TYW1: variants seen among roughly 807,000 people sequenced by gnomAD.
The protein encoded by TYW1 is S-adenosyl-L-methionine-dependent tRNA 4-demethylwyosine synthase TYW1.
In TYW1, 46 loss-of-function variants were observed where a neutral mutation model predicts 96.2. The ratio of observed to expected loss-of-function variants is 0.48; its 90% CI spans 0.38 to 0.61. TYW1 has a LOEUF of 0.61. Ranked by LOEUF, TYW1 falls within the 20% of genes least tolerant of loss-of-function variation. TYW1 has a pLI of 0.00. For synonymous variants in TYW1, 274 were observed against 323.0 expected (o/e 0.85, Z 1.63); for missense variants, 684 against 909.6 (o/e 0.75, Z 3.19).
At chr7:67,196,612 C>T (rs1173670082) in intron 15 of TYW1, among the ~76,000 whole-genome samples, 1 of 151,786 alleles carries the variant, frequency 6.6e-6, no homozygotes. Flanking sequence ...GGTGAAGAAA[C>T]TGGCTTAAAT....
intron 10 of TYW1, among the ~76,000 whole-genome samples, chr7:67,076,073 G>C (rs1034257424): frequency 6.6e-6 from 1 of 152,180 alleles, no homozygotes; most frequent in Non-Finnish European, 1.5e-5. Flanking sequence ...TTATTCGGAG[G>C]TGTTTTTACC....
chr7:67,018,207 C>T, intron 6 of TYW1, 64 bp downstream of exon 6: 1 of 1,559,652 alleles, frequency 6.4e-7, no homozygotes, highest in Non-Finnish European at 8.7e-7. Context: ...TCGAGCTTGA[C>T]CTCTTTCTCA....
intron 13 of TYW1, among the ~76,000 whole-genome samples, chr7:67,170,318 A>G (rs1799477864): frequency 6.6e-6 from 1 of 152,210 alleles, no homozygotes; most frequent in South Asian, 2.1e-4. Context: ...GGTACCACAT[A>G]ATCTTGATTA....
chr7:67,154,836 T>G (rs1798915703), intron 13 of TYW1, among the ~76,000 whole-genome samples: 2 of 152,158 alleles, frequency 1.3e-5, no homozygotes. Flanking sequence ...GTTTGCTTTA[T>G]GGTGTCCTGC....
intron 13 of TYW1, among the ~76,000 whole-genome samples, chr7:67,140,056 T>G (rs970390204): frequency 2.1e-5 from 3 of 146,234 alleles, no homozygotes; most frequent in African/African-American, 7.9e-5. Flanking sequence ...AAGTCACATC[T>G]TACATGGATG....
intron 13 of TYW1, among the ~76,000 whole-genome samples, chr7:67,141,047 A>G (rs1798432656): frequency 6.6e-6 from 1 of 152,196 alleles, no homozygotes; most frequent in Non-Finnish European, 1.5e-5. Context: ...AATAACCTAG[A>G]AAGCTAGTAT....
chr7:67,004,706 C>T (rs1208691663), intron 3 of TYW1, among the ~76,000 whole-genome samples: 1 of 152,094 alleles, frequency 6.6e-6, no homozygotes, highest in African/African-American at 2.4e-5. Context: ...TCTTGTTTCT[C>T]CTTCGCTTAT....
At chr7:67,194,628 A>G (rs1319029733) in intron 14 of TYW1, among the ~76,000 whole-genome samples, 1 of 136,662 alleles carries the variant, frequency 7.3e-6, no homozygotes, top group Admixed American at 7.2e-5. Context: ...TGACTCAAAA[A>G]TGATAATAAT....
intron 12 of TYW1, among the ~76,000 whole-genome samples, chr7:67,111,462 A>G (rs1175924974): frequency 2.0e-5 from 3 of 152,240 alleles, no homozygotes; most frequent in Non-Finnish European, 4.4e-5. Context: ...CGCCCTCCCA[A>G]AGTGGTGGGA....
chr7:67,151,910 G>A (rs929459546), intron 13 of TYW1, among the ~76,000 whole-genome samples: 1 of 152,068 alleles, frequency 6.6e-6, no homozygotes, highest in Admixed American at 6.6e-5. Flanking sequence ...GGGCTCAAGC[G>A]ATCCTCCCAC....
intron 7 of TYW1, among the ~76,000 whole-genome samples, chr7:67,048,088 A>ATGTGTTAAAATTTTTAAT (rs1340769125): frequency 6.9e-5 from 1 of 14,542 alleles, no homozygotes; most frequent in African/African-American, 2.7e-4. Context: ...GTGCCCAGCC[A>ATGTGTTAAAATTTTTAAT]CATATGGGGG....
intron 11 of TYW1, among the ~76,000 whole-genome samples, chr7:67,097,776 T>G (rs551081481): frequency 1.3e-5 from 2 of 151,960 alleles, no homozygotes; most frequent in East Asian, 3.9e-4. Context: ...CACTGCAGCC[T>G]CAATCTCCCA....
intron 13 of TYW1, among the ~76,000 whole-genome samples, chr7:67,158,082 ATTTTTT>A (rs560215948): frequency 0.24 from 24,623 of 102,330 alleles, 1,873 homozygotes; most frequent in South Asian, 0.31. Flanking sequence ...TTTGCTGAGG[ATTTTTT>A]TTTTTTTTTT....
intron 13 of TYW1, among the ~76,000 whole-genome samples, chr7:67,134,680 G>A (rs1404870091): frequency 3.3e-5 from 5 of 151,818 alleles, no homozygotes; most frequent in Middle Eastern, 3.4e-3. Flanking sequence ...CAAAGATACA[G>A]GTAGCCATTC....
intron 10 of TYW1, among the ~76,000 whole-genome samples, chr7:67,076,724 C>T (rs1307938336): frequency 2.0e-5 from 3 of 151,738 alleles, no homozygotes; most frequent in Non-Finnish European, 2.9e-5. Context: ...GATCCGCCTC[C>T]CTTGGCCTTC....
chr7:66,997,635 C>A (rs527775297), intron 1 of TYW1, among the ~76,000 whole-genome samples: 1 of 135,156 alleles, frequency 7.4e-6, no homozygotes. Context: ...TGTTCCCCAC[C>A]CCCCCGCCCC....
intron 7 of TYW1, among the ~76,000 whole-genome samples, chr7:67,048,918 GC>G (rs1395773218): frequency 6.6e-6 from 1 of 152,240 alleles, no homozygotes; most frequent in East Asian, 1.9e-4. Context: ...GGAGGCTGAG[GC>G]ATGAGAATTG....
intron 10 of TYW1, among the ~76,000 whole-genome samples, chr7:67,072,582 A>AT (rs1159208580): frequency 7.1e-4 from 108 of 151,420 alleles, no homozygotes; most frequent in African/African-American, 2.1e-3. Context: ...CTTATTATAG[A>AT]TTTTTTTTTA....
chr7:67,191,105 A>G (rs1214835455), intron 14 of TYW1, among the ~76,000 whole-genome samples: 7 of 152,248 alleles, frequency 4.6e-5, no homozygotes, highest in Non-Finnish European at 1.0e-4. Context: ...GGTGAGGGCC[A>G]CAGGCTGCTT....
Sources: allele counts gnomAD v4.1 joint callset (sites outside exome capture counted in the v4.1 genomes callset), GRCh38; gene constraint gnomAD v4.1.1; transcripts MANE v1.5; gene names NCBI Gene and HGNC (gene_info 2026-07-23, HGNC 2026-07-21).